Variants in TOGARAM1 observed in about 807,000 individuals in gnomAD.
The protein encoded by TOGARAM1 is TOG array regulator of axonemal microtubules protein 1.
A neutral mutation model predicts 166.6 loss-of-function variants in TOGARAM1; 100 were observed. The observed-to-expected ratio is 0.60, with a 90% CI of 0.51 to 0.71. TOGARAM1 has a LOEUF of 0.71. Among genes scored for constraint, TOGARAM1 ranks in the 30% least tolerant of loss-of-function variants. The pLI is 0.00. For synonymous variants in TOGARAM1, 758 were observed against 763.8 expected, an observed-to-expected ratio of 0.99 and a Z score of 0.13; for missense variants, 2,029 against 2,102.7, an observed-to-expected ratio of 0.96 and a Z score of 0.69.
intron 10 of TOGARAM1, among the ~76,000 whole-genome samples, chr14:45,029,880 G>T (rs954536450): frequency 6.6e-6 from 1 of 151,966 alleles, no homozygotes; most frequent in Non-Finnish European, 1.5e-5. Context: ...GGAGTGCAGC[G>T]GCACGATCTC....
chr14:45,020,931 G>A (rs1880463188), intron 7 of TOGARAM1, among the ~76,000 whole-genome samples: 1 of 152,174 alleles, frequency 6.6e-6, no homozygotes, highest in Non-Finnish European at 1.5e-5. Flanking sequence ...TGCAGGGGGA[G>A]GCACATTCAA....
intron 7 of TOGARAM1, among the ~76,000 whole-genome samples, chr14:45,017,099 CA>C (rs1419907926): frequency 6.6e-6 from 1 of 152,154 alleles, no homozygotes; most frequent in East Asian, 1.9e-4. Flanking sequence ...TGTAAGCCTA[CA>C]CAAGGTTAGT....
chr14:44,975,161 T>C (rs749137134), intron 1 of TOGARAM1, among the ~76,000 whole-genome samples: 78 of 152,318 alleles, frequency 5.1e-4, no homozygotes, highest in Admixed American at 1.8e-3. Flanking sequence ...TTTCTGTGTA[T>C]GTTTTCATTA....
At chr14:45,052,894 A>C (rs1205285334) in intron 15 of TOGARAM1, among the ~76,000 whole-genome samples, 1 of 152,192 alleles carries the variant, frequency 6.6e-6, no homozygotes, top group African/African-American at 2.4e-5. Flanking sequence ...TCTAACTAGA[A>C]TTCTCACTTT....
chr14:45,005,380 C>T (rs375953133), intron 4 of TOGARAM1, among the ~76,000 whole-genome samples: 3 of 151,858 alleles, frequency 2.0e-5, no homozygotes, highest in Non-Finnish European at 4.4e-5. Flanking sequence ...TTTGGGAGGC[C>T]GAGGTGGTTG....
chr14:45,031,882 A>G (rs28448551), intron 10 of TOGARAM1, among the ~76,000 whole-genome samples: 24,048 of 152,124 alleles, frequency 0.16, 3,546 homozygotes, highest in African/African-American at 0.39. Flanking sequence ...ACTCTTGGCC[A>G]GGCATGGTGG....
chr14:45,045,535 CTG>C (rs369196409), intron 13 of TOGARAM1, among the ~76,000 whole-genome samples: 6,701 of 27,612 alleles, frequency 0.24, 846 homozygotes, highest in South Asian at 0.36. Flanking sequence ...ATTCCATGGT[CTG>C]TGTGTGTATA....
chr14:45,053,618 T>C (rs1882487948), intron 15 of TOGARAM1, among the ~76,000 whole-genome samples: 1 of 152,088 alleles, frequency 6.6e-6, no homozygotes, highest in Non-Finnish European at 1.5e-5. Flanking sequence ...CCGTTGAGCC[T>C]GAAGGTTTCA....
At position 45,025,865 on chromosome 14, in the gene TOGARAM1, T is replaced by C. The variant is rs1026975730; in HGVS notation, c.3321T>C (p.Val1107=). 1.9e-6 allele frequency: 3 copies of C among 1,571,782 alleles called. No individual in the cohort carries two copies. Among genetic ancestry groups the C allele is most frequent in the African/African-American group, 2.7e-5 (2 of 73,956 alleles). ...KALSEDSVVV[V]GKGVFGSLSS... is the part of the protein sequence containing the mutation. Reference sequence around the variant, plus strand: ...TATCAGAAGACTCAGTAGTAGTTGTTGGAAAAGGTATTTCAAAGTTATTTC... The same window carrying C: ...TATCAGAAGACTCAGTAGTAGTTGTCGGAAAAGGTATTTCAAAGTTATTTC... Residue 1107 remains valine, a synonymous_variant, in exon 8 of 20, where the codon GTT becomes GTC. Transcript: ENST00000361462.
In TOGARAM1 at chr14:45,073,294, A is replaced by G. The variant is rs1385091044; in HGVS notation, c.5057-2A>G. On this transcript the variant is annotated splice_acceptor_variant, in intron 19 of 19. Coordinates refer to ENST00000361462, the MANE Select transcript of TOGARAM1 (RefSeq NM_001308120.2). LOFTEE classifies it high-confidence loss of function. ...CCTGTTTTTTATATTTTTATGTTTC[A>G]GATATTGTTACGGAACTTTATCAAA... The G allele has an allele frequency of 6.2e-7, 1 of 1,606,662 alleles. No individual in the cohort carries two copies. Among genetic ancestry groups the G allele is most frequent in the East Asian group, 2.2e-5 (1 of 44,766 alleles).
chr14:44,977,856 G>A (rs1399119569), intron 1 of TOGARAM1, among the ~76,000 whole-genome samples: 1 of 151,882 alleles, frequency 6.6e-6, no homozygotes, highest in African/African-American at 2.4e-5. Context: ...CACCATGTTG[G>A]CCAGGCTGGT....
At chr14:45,018,522 G>C (rs2138880189) in intron 7 of TOGARAM1, among the ~76,000 whole-genome samples, 1 of 152,292 alleles carries the variant, frequency 6.6e-6, no homozygotes, top group South Asian at 2.1e-4. Flanking sequence ...GGGACTACAG[G>C]TGTGAGCCAC....
intron 1 of TOGARAM1, among the ~76,000 whole-genome samples, chr14:44,973,941 G>A (rs1417588377): frequency 6.6e-6 from 1 of 151,236 alleles, no homozygotes; most frequent in Non-Finnish European, 1.5e-5. Context: ...CTTCTTTCAG[G>A]ATTTTTCTTT....
intron 16 of TOGARAM1, among the ~76,000 whole-genome samples, chr14:45,062,900 A>G (rs1283964211): frequency 6.6e-6 from 1 of 152,202 alleles, no homozygotes; most frequent in Non-Finnish European, 1.5e-5. Context: ...AACTGCCATC[A>G]TAATTTTAGA....
chr14:45,048,452 G>A (rs1882195544), intron 14 of TOGARAM1, among the ~76,000 whole-genome samples: 1 of 151,932 alleles, frequency 6.6e-6, no homozygotes, highest in South Asian at 2.1e-4. Context: ...TTAATATTAT[G>A]GAACTCATTA....
chr14:45,018,738 T>C lies in TOGARAM1; in HGVS notation c.3238+6663T>C, dbSNP rs79022322. Among the ~76,000 whole-genome samples the C allele has an allele frequency of 1.5e-3, 229 of 152,340 alleles. 3 individuals carry two copies. The East Asian group carries it at 0.041, about 27-fold the overall frequency. ...TTGGCAGCAATAAGTTGTTATTGTTTTACAAAAGAGAATACGATTTTTCCA... is the reference window on the plus strand; with the variant it reads ...TTGGCAGCAATAAGTTGTTATTGTTCTACAAAAGAGAATACGATTTTTCCA... On this transcript the variant is annotated intron_variant, in intron 7 of 19. Transcript: ENST00000361462.
intron 7 of TOGARAM1, among the ~76,000 whole-genome samples, chr14:45,019,315 C>T (rs1880346697): frequency 6.6e-6 from 1 of 152,178 alleles, no homozygotes; most frequent in Admixed American, 6.5e-5. Flanking sequence ...TCTGGTAAGG[C>T]TTCCCTCTTA....
intron 1 of TOGARAM1, among the ~76,000 whole-genome samples, chr14:44,988,538 TG>T (rs1395333933): frequency 1.4e-4 from 21 of 152,228 alleles, no homozygotes; most frequent in Non-Finnish European, 5.9e-5. Context: ...CTATTAGGAA[TG>T]TTGATCAGTT....
chr14:44,970,993 GGTTTTTGTTTTGTTTT>G (rs1319021868), intron 1 of TOGARAM1, among the ~76,000 whole-genome samples: 1 of 151,834 alleles, frequency 6.6e-6, no homozygotes, highest in Non-Finnish European at 1.5e-5. Context: ...TGGTCTGTGG[GGTTTTTGTTTTGTTTT>G]GTTTTTGTTT....
Sources: gnomAD v4.1 joint callset for allele counts (sites outside exome capture counted in the v4.1 genomes callset) on GRCh38, gnomAD v4.1.1 for gene constraint, MANE v1.5 for transcripts, NCBI Gene and HGNC (gene_info 2026-07-23, HGNC 2026-07-21) for gene names.